RAP1A: variants seen among roughly 807,000 people sequenced by gnomAD.
The protein encoded by RAP1A is ras-related protein Rap-1A.
A neutral mutation model predicts 26.4 loss-of-function variants in RAP1A; 6 were observed. That is an observed-to-expected ratio of 0.23 (90% CI 0.12 to 0.45). The LOEUF is 0.45. Ranked by LOEUF, RAP1A falls within the 20% of genes least tolerant of loss-of-function variation. RAP1A has a pLI of 0.99. For missense variants in RAP1A, 121 were observed against 217.2 expected (o/e 0.56, Z 2.78); for synonymous variants, 73 against 79.4 (o/e 0.92, Z 0.43).
intron 1 of RAP1A, among the ~76,000 whole-genome samples, chr1:111,634,009 A>G (rs1659650754): frequency 6.6e-6 from 1 of 152,200 alleles, no homozygotes; most frequent in African/African-American, 2.4e-5. Flanking sequence ...GACTCTGCTT[A>G]ACTTCTAGTG....
chr1:111,556,653 C>G (rs941950897), intron 1 of RAP1A, among the ~76,000 whole-genome samples: 4 of 152,082 alleles, frequency 2.6e-5, no homozygotes, highest in Non-Finnish European at 4.4e-5. Context: ...TCAGTCACAA[C>G]AAGATGAATA....
chr1:111,688,353 T>C (rs1400769911), intron 1 of RAP1A, among the ~76,000 whole-genome samples: 23 of 147,870 alleles, frequency 1.6e-4, no homozygotes, highest in African/African-American at 5.2e-4. Context: ...GGAGTCTTGC[T>C]CTGTTGCCCA....
chr1:111,648,660 A>T (rs1456857308), intron 1 of RAP1A: 1 of 527,784 alleles, frequency 1.9e-6, no homozygotes, highest in Non-Finnish European at 3.6e-6. Flanking sequence ...GTCCAGGTCA[A>T]TCTTTAAGGA....
intron 1 of RAP1A, among the ~76,000 whole-genome samples, chr1:111,575,175 G>T (rs1658121242): frequency 6.6e-6 from 1 of 150,994 alleles, no homozygotes; most frequent in Admixed American, 6.6e-5. Flanking sequence ...TTGAGATAGA[G>T]TCTCACTCTG....
intron 1 of RAP1A, among the ~76,000 whole-genome samples, chr1:111,577,470 G>A (rs570571448): frequency 9.0e-5 from 13 of 144,268 alleles, no homozygotes; most frequent in East Asian, 6.2e-4. Context: ...GGATTTATCC[G>A]CTGACATATG....
chr1:111,555,586 A>T (rs1657456841), intron 1 of RAP1A, among the ~76,000 whole-genome samples: 1 of 152,072 alleles, frequency 6.6e-6, no homozygotes, highest in South Asian at 2.1e-4. Flanking sequence ...AAATATTAAG[A>T]AACATGGAGA....
intron 1 of RAP1A, among the ~76,000 whole-genome samples, chr1:111,586,534 G>C (rs57719371): frequency 6.6e-6 from 1 of 152,220 alleles, no homozygotes; most frequent in Non-Finnish European, 1.5e-5. Context: ...AGTGAGCTGA[G>C]ATTGTGCTAC....
chr1:111,635,888 A>G (rs1199484482), intron 1 of RAP1A, among the ~76,000 whole-genome samples: 1 of 152,070 alleles, frequency 6.6e-6, no homozygotes, highest in Non-Finnish European at 1.5e-5. Context: ...TGATGTTTCC[A>G]TGAAACTGAG....
intron 1 of RAP1A, among the ~76,000 whole-genome samples, chr1:111,678,279 T>C (rs1250254643): frequency 6.6e-6 from 1 of 152,252 alleles, no homozygotes; most frequent in East Asian, 1.9e-4. Context: ...ATTAAGTCTT[T>C]AATTTCAGCC....
intron 1 of RAP1A, among the ~76,000 whole-genome samples, chr1:111,586,774 G>A (rs187955108): frequency 1.3e-5 from 2 of 152,266 alleles, no homozygotes; most frequent in Admixed American, 1.3e-4. Flanking sequence ...CAAACAAGTA[G>A]CTAATTGGGA....
intron 2 of RAP1A, 89 bp from the exon 3 acceptor site, chr1:111,695,252 T>G: frequency 1.0e-6 from 1 of 971,796 alleles, no homozygotes; most frequent in East Asian, 3.1e-5. Context: ...TTCACATAAT[T>G]TCAATTAATC....
At chr1:111,702,140 T>C (rs1349496048) in intron 4 of RAP1A, among the ~76,000 whole-genome samples, 1 of 152,162 alleles carries the variant, frequency 6.6e-6, no homozygotes, top group African/African-American at 2.4e-5. Flanking sequence ...GTAGTGGTCA[T>C]GGGGAACAAG....
chr1:111,577,025 G>A lies in RAP1A; in HGVS notation c.-28+34516G>A, dbSNP rs1040158085. Among the ~76,000 whole-genome samples, 7 of 152,150 alleles carry A rather than the reference G, an allele frequency of 4.6e-5. No homozygotes were observed. The South Asian group carries it at 8.3e-4, about 18-fold the overall frequency. ...CCCTGAGACCCAGGAAGTTCCATGG[G>A]GCAATCAGATGTGGATCCAAATACT... is the stretch of plus-strand genomic sequence containing the variant. On this transcript the variant is annotated intron_variant, in intron 1 of 7. Transcript: ENST00000356415.
intron 4 of RAP1A, 117 bp downstream of exon 4, chr1:111,697,614 A>G: frequency 2.0e-6 from 3 of 1,512,678 alleles, no homozygotes; most frequent in Non-Finnish European, 1.8e-6. Flanking sequence ...ATTAAGAAGA[A>G]ATTCTCTGAA....
intron 1 of RAP1A, among the ~76,000 whole-genome samples, chr1:111,645,645 G>A (rs1660041736): frequency 6.6e-6 from 1 of 152,176 alleles, no homozygotes; most frequent in Admixed American, 6.5e-5. Context: ...TCTGTGTTGG[G>A]CGCATAAATG....
At chr1:111,607,869 ACC>A (rs549767191) in intron 1 of RAP1A, among the ~76,000 whole-genome samples, 1 of 50,866 alleles carries the variant, frequency 2.0e-5, no homozygotes. Context: ...GCGGGGCCTG[ACC>A]CCCCCCACCT....
At chr1:111,677,965 T>C (rs908532942) in intron 1 of RAP1A, among the ~76,000 whole-genome samples, 1 of 152,228 alleles carries the variant, frequency 6.6e-6, no homozygotes, top group African/African-American at 2.4e-5. Context: ...AATGTGTTGC[T>C]GTGTTTCGAC....
At chr1:111,677,390 G>T (rs115596095) in intron 1 of RAP1A, among the ~76,000 whole-genome samples, 447 of 148,548 alleles carry the variant, frequency 3.0e-3, no homozygotes, top group African/African-American at 0.011. Context: ...TTGTGTTAAT[G>T]ATCTATTGCT....
chr1:111,667,135 C>G (rs943832102), intron 1 of RAP1A, among the ~76,000 whole-genome samples: 1 of 152,094 alleles, frequency 6.6e-6, no homozygotes, highest in Non-Finnish European at 1.5e-5. Flanking sequence ...CAGGAGGTTG[C>G]TTAGGCTAGA....
Sources: gnomAD v4.1 joint callset for allele counts (sites outside exome capture counted in the v4.1 genomes callset) on GRCh38, gnomAD v4.1.1 for gene constraint, MANE v1.5 for transcripts, NCBI Gene and HGNC (gene_info 2026-07-23, HGNC 2026-07-21) for gene names.